The following ADSL variants were observed in gnomAD, a reference collection of about 807,000 sequenced individuals.
ADSL encodes the protein adenylosuccinase.
ADSL carries 44 observed loss-of-function variants against 62.1 expected under a neutral mutation model. The ratio of observed to expected loss-of-function variants is 0.71; its 90% confidence interval spans 0.56 to 0.91. ADSL has a LOEUF of 0.91. Among genes scored for constraint, ADSL ranks in the 40% least tolerant of loss-of-function variants. The pLI, the probability that ADSL is intolerant of heterozygous loss-of-function variation, is 0.00. For synonymous variants in ADSL, 198 were observed against 220.5 expected, an observed-to-expected ratio of 0.90 and a Z score of 0.90; for missense variants, 531 against 627.4, an observed-to-expected ratio of 0.85 and a Z score of 1.64.
At chr22:40,382,858 G>A (rs1002493024) in intron 2 of ADSL, among the ~76,000 whole-genome samples, 6 of 152,184 alleles carry the variant, frequency 3.9e-5, no homozygotes, top group Non-Finnish European at 8.8e-5. Flanking sequence ...TTACTGATAG[G>A]GAAGCTGAGG....
Position 40,358,845 on chromosome 22 carries a change from G to A in ADSL, c.483-19G>A, listed in dbSNP as rs1272827037. On this transcript the variant is annotated intron_variant, in intron 4 of 12. Transcript: ENST00000623063. ...AGGTCTCGGTCTGAGACTTTCGTGT[G>A]TTCTCTTTGGGTTTTCAGGCCTGCA... 2 of 1,614,084 alleles carry A rather than the reference G, an allele frequency of 1.2e-6. No homozygotes were observed. The highest frequency in any genetic ancestry group is 2.2e-5 in the East Asian group (1 of 44,888).
intron 8 of ADSL, 46 bp downstream of exon 8, chr22:40,361,388 G>C (rs1177430853): frequency 6.2e-7 from 1 of 1,612,150 alleles, no homozygotes; most frequent in African/African-American, 1.3e-5. Flanking sequence ...CTGCTGGAAG[G>C]CTGTGGATGG....
At chr22:40,350,080 C>A (rs1479062367) in intron 2 of ADSL, 45 bp downstream of exon 2, 4 of 1,542,332 alleles carry the variant, frequency 2.6e-6, no homozygotes, top group Middle Eastern at 1.7e-4. Context: ...TCTCTAGAAT[C>A]TATTTGTCAA....
chr22:40,357,339 C>T (rs183829154), intron 4 of ADSL, among the ~76,000 whole-genome samples: 15 of 150,622 alleles, frequency 1.0e-4, no homozygotes, highest in African/African-American at 3.2e-4. Context: ...CCGCAGCCTC[C>T]GCCTCCTGGG....
At chr22:40,373,761 G>A (rs1279550855), downstream of ADSL, among the ~76,000 whole-genome samples, 4 of 151,544 alleles carry the variant, frequency 2.6e-5, no homozygotes, top group South Asian at 2.1e-4. Context: ...GACTGCAGGC[G>A]TGCACCACCA....
downstream of ADSL, chr22:40,369,386 A>G (rs2146686501): frequency 6.7e-6 from 1 of 149,956 alleles, no homozygotes; most frequent in South Asian, 2.1e-4. Flanking sequence ...CTGCGTGTTC[A>G]CTGGAAAACA....
In ADSL at chr22:40,346,515, C is replaced by G. The variant is rs763900902; in HGVS notation, c.-44C>G. The G allele has an allele frequency of 7.6e-6, 12 of 1,574,994 alleles. No homozygotes were observed. Among genetic ancestry groups the G allele is most frequent in the Non-Finnish European group, 1.0e-5 (12 of 1,164,622 alleles). Reference sequence around the variant, plus strand: ...CCTGGCCTCCAGGTTTCCGCTTCCGCTCTTCCCTGGTCCAGTCCACCCTGG... The same window carrying G: ...CCTGGCCTCCAGGTTTCCGCTTCCGGTCTTCCCTGGTCCAGTCCACCCTGG... On this transcript the variant is annotated 5_prime_UTR_variant, in exon 1 of 13. Coordinates refer to ENST00000623063, the MANE Select transcript of ADSL (RefSeq NM_000026.4).
Position 40,361,327 on chromosome 22 carries a change from G to A in ADSL, c.847G>A (p.Glu283Lys). 1 of 1,614,172 alleles carries A rather than the reference G, an allele frequency of 6.2e-7. No individual in the cohort carries two copies. The highest frequency in any genetic ancestry group is 8.5e-7 in the Non-Finnish European group (1 of 1,180,026). ...CCTCAAGGAGATGGAGGAACCCTTTGAAAAACAGCAGATTGGTGAGTGCTG... is the reference window on the plus strand; with the variant it reads ...CCTCAAGGAGATGGAGGAACCCTTTAAAAAACAGCAGATTGGTGAGTGCTG... ...ANLKEMEEPF[E>K]KQQIGSSAMP... Residue 283 changes from glutamate to lysine, a missense_variant, in exon 8 of 13, where the codon GAA (glutamate) becomes AAA (lysine). Physicochemically the swap from Glu to Lys is moderately conservative, Grantham distance 56 (BLOSUM62 1). This residue lies in a region of ADSL where 471 missense variants were observed against 592.9 expected (regional missense o/e 0.79). Transcript: ENST00000623063.
rs750500620 is a variant in ADSL, at chr22:40,359,613, C to G, written c.701+307C>G. Among the ~76,000 whole-genome samples, 3 of 151,776 alleles carry G rather than the reference C, an allele frequency of 2.0e-5. No individual in the cohort carries two copies. In the East Asian group the frequency reaches 5.8e-4, roughly 30 times the overall value. ...AGTGCAGCGGTGTGATCTCGGCTCA[C>G]GGCAGCCTCCGCCTCCCAGTTTCAA... On this transcript the variant is annotated intron_variant, in intron 6 of 12. Transcript: ENST00000623063.
chr22:40,377,845 CA>C (rs35941683), intron 2 of ADSL, among the ~76,000 whole-genome samples: 3,570 of 61,548 alleles, frequency 0.058, 83 homozygotes, highest in Admixed American at 0.13. Flanking sequence ...GACCCTGTCT[CA>C]AAAAAAAAAA....
intron 7 of ADSL, 184 bp from the exon 8 acceptor site, chr22:40,361,089 C>T: frequency 4.2e-6 from 3 of 713,966 alleles, no homozygotes; most frequent in Non-Finnish European, 7.7e-6. Flanking sequence ...TCATCCCAGT[C>T]CTTCGGGAAC....
rs2044787424 is a variant in ADSL at position 40,361,478 on chromosome 22, A to G, written c.863-10A>G. Reference sequence around the variant, plus strand: ...TGCCTTTGCATCTTGTCCTTTTTTTACATGGGCAGGCTCAAGTGCGATGCC... The same window carrying G: ...TGCCTTTGCATCTTGTCCTTTTTTTGCATGGGCAGGCTCAAGTGCGATGCC... On this transcript the variant is annotated splice_polypyrimidine_tract_variant and intron_variant, in intron 8 of 12. Coordinates refer to ENST00000623063, the MANE Select transcript of ADSL (RefSeq NM_000026.4). 6.2e-7 allele frequency: 1 copy of G among 1,614,040 alleles called. No individual in the cohort carries two copies. Among genetic ancestry groups the G allele is most frequent in the Admixed American group, 1.7e-5 (1 of 60,008 alleles).
intron 9 of ADSL, 102 bp from the exon 10 acceptor site, chr22:40,362,879 T>C (rs2044847366): frequency 4.6e-6 from 5 of 1,081,710 alleles, no homozygotes; most frequent in Non-Finnish European, 1.4e-6. Context: ...TGAAGGAGAT[T>C]ATCCAGAGAG....
At chr22:40,362,937 AATT>A (rs1287540238) in intron 9 of ADSL, 41 bp from the exon 10 acceptor site, 2 of 1,546,280 alleles carry the variant, frequency 1.3e-6, no homozygotes, top group African/African-American at 2.7e-5. Context: ...ATTTCACTGA[AATT>A]ATTTGTTTAA....
chr22:40,346,766 C>T (rs1397273747), intron 1 of ADSL, 55 bp downstream of exon 1: 21 of 1,537,312 alleles, frequency 1.4e-5, no homozygotes, highest in Non-Finnish European at 1.8e-5. Flanking sequence ...CGCCCCAGCA[C>T]GTGCCGGGCT....
intron 11 of ADSL, 109 bp downstream of exon 11, chr22:40,364,474 C>T: frequency 2.1e-6 from 2 of 951,188 alleles, no homozygotes; most frequent in East Asian, 5.2e-5. Flanking sequence ...CCTTCAGTCA[C>T]AGTAATGGTA....
intron 11 of ADSL, 141 bp from the exon 12 acceptor site, chr22:40,364,739 T>G: frequency 2.3e-6 from 2 of 864,330 alleles, no homozygotes; most frequent in Non-Finnish European, 3.8e-6. Flanking sequence ...CTGGTACAGA[T>G]AGACACAGGA....
intron 2 of ADSL, among the ~76,000 whole-genome samples, chr22:40,382,561 G>T (rs1406812714): frequency 6.6e-6 from 1 of 152,132 alleles, no homozygotes; most frequent in Non-Finnish European, 1.5e-5. Flanking sequence ...AAGGGAACAA[G>T]GTGAAAATGC....
chr22:40,362,283 G>A (rs117564831), intron 9 of ADSL, among the ~76,000 whole-genome samples: 2,177 of 152,256 alleles, frequency 0.014, 25 homozygotes, highest in Non-Finnish European at 0.022. Context: ...GAGTGGATAC[G>A]GATGTATAGT....
Sources: gnomAD v4.1 joint callset for allele counts (sites outside exome capture counted in the v4.1 genomes callset) on GRCh38, gnomAD v4.1.1 for gene constraint, gnomAD v4.1.1 regional missense constraint, MANE v1.5 for transcripts, NCBI Gene and HGNC (gene_info 2026-07-23, HGNC 2026-07-21) for gene names.